Variants in IL1F10 observed in about 807,000 individuals in gnomAD.
The protein encoded by IL1F10 is interleukin 1 family member 10.
IL1F10 carries 13 observed loss-of-function variants against 13.1 expected under a neutral mutation model. The ratio of observed to expected loss-of-function variants is 0.99; its 90% CI spans 0.64 to 1.57. The LOEUF (loss-of-function observed/expected upper bound fraction) is 1.57, where lower values mean the gene tolerates loss of function less well. Among genes scored for constraint, IL1F10 ranks in the 40% most tolerant of loss-of-function variants. IL1F10 has a pLI of 0.00. For missense variants in IL1F10, 191 were observed against 184.1 expected, an observed-to-expected ratio of 1.04 and a Z score of -0.22; for synonymous variants, 78 against 68.2, an observed-to-expected ratio of 1.14 and a Z score of -0.71.
Position 113,075,417 on chromosome 2 carries a change from C to A in IL1F10, c.*53C>A. The A allele has an allele frequency of 2.2e-6, 3 of 1,346,050 alleles. No homozygotes were observed. The highest frequency in any genetic ancestry group is 1.5e-5 in the African/African-American group (1 of 68,718). 83.4% of individuals were successfully genotyped at this position (1,346,050 alleles called of 1,614,324 possible). A position where few individuals can be genotyped will look rare whatever the true frequency, so the allele number is the denominator to read the frequency against. ...GTGCCCCCAAACCAAGCTCATCCTG[C>A]TCAGGGTCTATGGTAGGCAGAATAA... On this transcript the variant is annotated 3_prime_UTR_variant, in exon 5 of 5. Coordinates refer to ENST00000341010, the MANE Select transcript of IL1F10 (RefSeq NM_173161.3).
At chr2:113,073,288 T>C (rs1351490896) in intron 2 of IL1F10, among the ~76,000 whole-genome samples, 3 of 152,258 alleles carry the variant, frequency 2.0e-5, no homozygotes, top group Non-Finnish European at 4.4e-5. Context: ...TCTGTGATTT[T>C]GTCATAAGCT....
chr2:113,068,230 T>C (rs964059552), intron 1 of IL1F10, among the ~76,000 whole-genome samples: 3 of 152,168 alleles, frequency 2.0e-5, no homozygotes, highest in Non-Finnish European at 2.9e-5. Context: ...CAAATCAAGA[T>C]TTCTGAACTA....
chr2:113,074,547 C>T lies in IL1F10; in HGVS notation c.118+133C>T, dbSNP rs28928296. ...AGAAGGGCCAGAGAGCAGCTGTGGC[C>T]TCTCCTAGCGAGGGGACATGACTCC... On this transcript the variant is annotated intron_variant, in intron 3 of 4. Coordinates refer to ENST00000341010, the MANE Select transcript of IL1F10 (RefSeq NM_173161.3). 1.9e-5 allele frequency: 20 copies of T among 1,074,218 alleles called. No homozygotes were observed. The South Asian group carries it at 2.4e-4, about 13-fold the overall frequency. The allele number at this position is 1,074,218 out of a possible 1,614,324, so 66.5% of individuals were successfully genotyped here.
Position 113,072,701 on chromosome 2 carries a change from TC to T in IL1F10, c.-28-6del. The T allele has an allele frequency of 1.3e-6, 2 of 1,598,574 alleles. No individual in the cohort carries two copies. Among genetic ancestry groups the T allele is most frequent in the South Asian group, 1.1e-5 (1 of 89,766 alleles). On this transcript the variant is annotated splice_polypyrimidine_tract_variant and intron_variant, in intron 1 of 4. Coordinates refer to ENST00000341010, the MANE Select transcript of IL1F10 (RefSeq NM_173161.3). Reference sequence around the variant, plus strand: ...TCCTTTTCTAACTGCCCTTCTCTCCTCCCCATCAGTGAGGACCAGACACCAC... The same window carrying T: ...TCCTTTTCTAACTGCCCTTCTCTCCTCCCATCAGTGAGGACCAGACACCAC...
chr2:113,071,519 G>A (rs1685834294), intron 1 of IL1F10, among the ~76,000 whole-genome samples: 1 of 152,202 alleles, frequency 6.6e-6, no homozygotes, highest in South Asian at 2.1e-4. Context: ...ATTTGCACTT[G>A]TTAGTCCCTA....
intron 4 of IL1F10, 30 bp downstream of exon 4, chr2:113,074,880 A>G (rs779144318): frequency 3.1e-6 from 5 of 1,606,406 alleles, no homozygotes; most frequent in Non-Finnish European, 2.5e-6. Context: ...TCTAGGGGAC[A>G]CTGCAGACCT....
At chr2:113,071,237 G>T (rs563832079) in intron 1 of IL1F10, among the ~76,000 whole-genome samples, 1 of 152,088 alleles carries the variant, frequency 6.6e-6, no homozygotes, top group Non-Finnish European at 1.5e-5. Flanking sequence ...AAATTTTTAT[G>T]TCCTAAAACA....
At chr2:113,073,851 T>C (rs1482404513) in intron 2 of IL1F10, among the ~76,000 whole-genome samples, 2 of 152,152 alleles carry the variant, frequency 1.3e-5, no homozygotes, top group African/African-American at 4.8e-5. Context: ...CTGCATGACT[T>C]TGAAGCCTTT....
chr2:113,070,356 G>A (rs1685815461), intron 1 of IL1F10, among the ~76,000 whole-genome samples: 1 of 152,192 alleles, frequency 6.6e-6, no homozygotes, highest in African/African-American at 2.4e-5. Flanking sequence ...GAAAGACACT[G>A]TACATTTTGG....
chr2:113,074,661 T>A (rs1427881558), intron 3 of IL1F10, 62 bp from the exon 4 acceptor site: 2 of 1,602,500 alleles, frequency 1.2e-6, no homozygotes, highest in Non-Finnish European at 1.7e-6. Flanking sequence ...AGCCTTTACC[T>A]GCCAAGAGCC....
chr2:113,074,919 T>C (rs1685910592), intron 4 of IL1F10, 69 bp downstream of exon 4: 5 of 1,560,364 alleles, frequency 3.2e-6, no homozygotes. Flanking sequence ...CTCTGGCATC[T>C]TTGTGCCTAT....
chr2:113,074,613 C>A, intron 3 of IL1F10, 110 bp from the exon 4 acceptor site: 2 of 1,391,098 alleles, frequency 1.4e-6, no homozygotes, highest in Non-Finnish European at 2.0e-6. Flanking sequence ...CATGCAGGGC[C>A]AGGCCAGGTG....
rs776922353 is a variant in IL1F10, at chr2:113,074,417, G to A, written c.118+3G>A. 2.5e-6 allele frequency: 4 copies of A among 1,610,098 alleles called. No homozygotes were observed. The African/African-American group carries it at 5.3e-5, about 22-fold the overall frequency. ...TGTTGCAGACAACTGCTGTGCAGGT[G>A]AGCTTCTGGGGCCTCCACCCCATGC... On this transcript the variant is annotated splice_donor_region_variant and intron_variant, in intron 3 of 4. Transcript: ENST00000341010.
chr2:113,071,536 T>G (rs1263616456), intron 1 of IL1F10, among the ~76,000 whole-genome samples: 1 of 152,214 alleles, frequency 6.6e-6, no homozygotes, highest in East Asian at 1.9e-4. Flanking sequence ...CCTATTATCC[T>G]TCACTCTAAG....
At chr2:113,070,282 C>T (rs17042786) in intron 1 of IL1F10, among the ~76,000 whole-genome samples, 11,803 of 152,210 alleles carry the variant, frequency 0.078, 1,257 homozygotes, top group African/African-American at 0.23. Flanking sequence ...GCTTCCTACC[C>T]TTACTCACTT....
intron 3 of IL1F10, 63 bp downstream of exon 3, chr2:113,074,477 C>A: frequency 7.5e-7 from 1 of 1,341,564 alleles, no homozygotes; most frequent in South Asian, 1.2e-5. Flanking sequence ...CTCTTCTTCC[C>A]TTTCCTCCCC....
intron 1 of IL1F10, among the ~76,000 whole-genome samples, chr2:113,070,446 A>G (rs767878600): frequency 5.9e-5 from 9 of 152,164 alleles, no homozygotes; most frequent in Non-Finnish European, 1.2e-4. Flanking sequence ...CAGCTCTTTG[A>G]GCTGACACTG....
rs760744538 is a variant in IL1F10 at position 113,075,183 on chromosome 2, G to A, written c.278G>A (p.Gly93Asp). 9.1e-5 allele frequency: 146 copies of A among 1,612,810 alleles called. No homozygotes were observed. Among genetic ancestry groups the A allele is most frequent in the Non-Finnish European group, 1.2e-4 (141 of 1,179,682 alleles). ...AACATTGAGGAACTGTACAAAGGTG[G>A]TGAAGAGGCCACACGCTTCACCTTC... ...DVNIEELYKGGEEATRFTFFQ... is the reference protein window; with the variant it reads ...DVNIEELYKGDEEATRFTFFQ... Residue 93 changes from glycine (G) to aspartate (D), a missense_variant, in exon 5 of 5, where the codon GGT becomes GAT. Coordinates refer to ENST00000341010, the MANE Select transcript of IL1F10 (RefSeq NM_173161.3).
chr2:113,075,209 T>G lies in IL1F10; in HGVS notation c.304T>G (p.Phe102Val). ...TGAAGAGGCCACACGCTTCACCTTCTTCCAGAGCAGCTCAGGCTCCGCCTT... is the reference window on the plus strand; with the variant it reads ...TGAAGAGGCCACACGCTTCACCTTCGTCCAGAGCAGCTCAGGCTCCGCCTT... Reference protein sequence around the residue: ...GGEEATRFTFFQSSSGSAFRL... With the variant: ...GGEEATRFTFVQSSSGSAFRL... The change falls in exon 5 of 5, where the codon TTC becomes GTC. Residue 102 changes from phenylalanine to valine, a missense_variant. Phe to Val is a conservative substitution (Grantham distance 50). Transcript: ENST00000341010. The G allele has an allele frequency of 1.2e-6, 2 of 1,613,986 alleles. No homozygotes were observed. Among genetic ancestry groups the G allele is most frequent in the Non-Finnish European group, 1.7e-6 (2 of 1,179,970 alleles).
Sources: allele counts gnomAD v4.1 joint callset (sites outside exome capture counted in the v4.1 genomes callset), GRCh38; gene constraint gnomAD v4.1.1; transcripts MANE v1.5; gene names NCBI Gene and HGNC (gene_info 2026-07-23, HGNC 2026-07-21).